Variants in BNC2 observed in about 807,000 individuals in gnomAD.
The protein encoded by BNC2 is basonuclin zinc finger protein 2.
In BNC2, 20 loss-of-function variants were observed where a neutral mutation model predicts 76.3. The ratio of observed to expected loss-of-function variants is 0.26; its 90% CI spans 0.18 to 0.38. The LOEUF is 0.38. BNC2 is among the 10% of genes least tolerant of loss of function. The probability of loss-of-function intolerance (pLI) is 1.00; values close to 1 mark genes in which losing one functional copy is unlikely to be tolerated. For missense variants in BNC2, 1,382 were observed against 1,399.8 expected (o/e 0.99, Z 0.20); for synonymous variants, 582 against 514.8 (o/e 1.13, Z -1.77).
At chr9:16,826,296 C>A (rs1818453573) in intron 1 of BNC2, among the ~76,000 whole-genome samples, 1 of 148,530 alleles carries the variant, frequency 6.7e-6, no homozygotes, top group Admixed American at 6.9e-5. Flanking sequence ...TTTAGAACCA[C>A]CAAGCCTGTG....
chr9:16,773,754 T>C (rs780185470), intron 1 of BNC2, among the ~76,000 whole-genome samples: 1 of 152,152 alleles, frequency 6.6e-6, no homozygotes, highest in Non-Finnish European at 1.5e-5. Flanking sequence ...AGCTGCTGGG[T>C]GTTGCTGTAG....
intron 1 of BNC2, among the ~76,000 whole-genome samples, chr9:16,786,664 G>A (rs1826302330): frequency 2.0e-5 from 3 of 152,130 alleles, no homozygotes. Flanking sequence ...TCCCTCTCTA[G>A]CTCTGAACCC....
At chr9:16,741,053 A>G (rs1477377503) in intron 1 of BNC2, among the ~76,000 whole-genome samples, 1 of 152,160 alleles carries the variant, frequency 6.6e-6, no homozygotes, top group African/African-American at 2.4e-5. Context: ...TCAATAAATA[A>G]CAGCTACATG....
chr9:16,450,675 T>G (rs770644891), intron 5 of BNC2, among the ~76,000 whole-genome samples: 7 of 152,222 alleles, frequency 4.6e-5, no homozygotes, highest in Non-Finnish European at 8.8e-5. Context: ...GAAACATGCA[T>G]GTACACCATA....
Position 16,458,192 on chromosome 9 carries a change from T to C in BNC2, c.670-20668A>G, listed in dbSNP as rs370441911. ...ACTGTGCAATAACAGATACATGAGATTAAGGCTCATGGAAGCCAAGGGACC... is the reference window on the plus strand; with the variant it reads ...ACTGTGCAATAACAGATACATGAGACTAAGGCTCATGGAAGCCAAGGGACC... On this transcript the variant is annotated intron_variant, in intron 5 of 6. Transcript: ENST00000380672. 7.3e-5 allele frequency among the ~76,000 whole-genome samples: 11 copies of C among 149,724 alleles called. No homozygotes were observed. The South Asian group carries it at 1.3e-3, about 17-fold the overall frequency.
intron 5 of BNC2, among the ~76,000 whole-genome samples, chr9:16,448,545 T>C (rs545632093): frequency 1.7e-4 from 26 of 152,206 alleles, no homozygotes; most frequent in Non-Finnish European, 2.4e-4. Flanking sequence ...ATGAAGCTGA[T>C]TGAACAACCC....
intron 2 of BNC2, 140 bp from the exon 3 acceptor site, chr9:16,728,137 C>T: frequency 1.3e-6 from 1 of 774,152 alleles, no homozygotes; most frequent in Non-Finnish European, 2.3e-6. Flanking sequence ...GCTTCTTTCG[C>T]ACCTTCTGCA....
chr9:16,713,800 G>A (rs1003350595), intron 3 of BNC2, among the ~76,000 whole-genome samples: 52 of 152,110 alleles, frequency 3.4e-4, no homozygotes, highest in African/African-American at 1.1e-3. Context: ...TTGGCTGGGC[G>A]TGGTGCCCTC....
chr9:16,650,399 C>T (rs1490898613), intron 3 of BNC2, among the ~76,000 whole-genome samples: 1 of 152,146 alleles, frequency 6.6e-6, no homozygotes, highest in African/African-American at 2.4e-5. Context: ...GTAAAATATT[C>T]TGTTTTTACC....
chr9:16,787,675 T>A (rs541285095), intron 1 of BNC2, among the ~76,000 whole-genome samples: 75 of 152,152 alleles, frequency 4.9e-4, no homozygotes, highest in Non-Finnish European at 9.4e-4. Context: ...TGGCCACCGC[T>A]TCCTACAGTG....
Position 16,661,060 on chromosome 9 carries a change from T to C in BNC2, c.330+66737A>G, listed in dbSNP as rs193111878. ...TAAAGTGTATATACCATTATTCCCA[T>C]TTTAAATGTAAGGAAACTGAGGCTC... On this transcript the variant is annotated intron_variant, in intron 3 of 6. Transcript: ENST00000380672. Among the ~76,000 whole-genome samples, 350 of 152,262 alleles carry C rather than the reference T, an allele frequency of 2.3e-3. 3 individuals carry two copies. Among genetic ancestry groups the C allele is most frequent in the Non-Finnish European group, 3.5e-3 (236 of 68,020 alleles).
chr9:16,742,251 G>T (rs990283881), intron 1 of BNC2, among the ~76,000 whole-genome samples: 1 of 152,166 alleles, frequency 6.6e-6, no homozygotes, highest in African/African-American at 2.4e-5. Flanking sequence ...TATGTGATTT[G>T]AACAAAGGCA....
At chr9:16,607,296 A>T (rs1820413672) in intron 3 of BNC2, among the ~76,000 whole-genome samples, 1 of 152,128 alleles carries the variant, frequency 6.6e-6, no homozygotes. Context: ...AAAACCTCAG[A>T]GAAAGAAAAA....
At chr9:16,626,865 G>A (rs1367545831) in intron 3 of BNC2, among the ~76,000 whole-genome samples, 1 of 152,110 alleles carries the variant, frequency 6.6e-6, no homozygotes, top group Non-Finnish European at 1.5e-5. Flanking sequence ...AGTGAGCCAA[G>A]ATAGCAGGGC....
chr9:16,552,650 A>G lies in BNC2; in HGVS notation c.549T>C (p.Pro183=). The G allele has an allele frequency of 6.2e-6, 10 of 1,614,244 alleles. No individual in the cohort carries two copies. The highest frequency in any genetic ancestry group is 7.6e-6 in the Non-Finnish European group (9 of 1,180,044). ...GGTCCAGCAGGATCTTTAGCCGCAC[A>G]GGCACTGCTTGTGTCCCATAGAGCA... ...SLMLYGTQAV[P]VRLKILLDRL... Residue 183 remains proline (P), a synonymous_variant, in exon 5 of 7, where the codon CCT becomes CCC. Coordinates refer to ENST00000380672, the MANE Select transcript of BNC2 (RefSeq NM_017637.6).
At chr9:16,455,858 C>G (rs891854277) in intron 5 of BNC2, among the ~76,000 whole-genome samples, 2 of 151,842 alleles carry the variant, frequency 1.3e-5, no homozygotes, top group African/African-American at 2.4e-5. Flanking sequence ...AAGGCTTTCA[C>G]TTATTTTACT....
intron 6 of BNC2, chr9:16,431,580 T>C (rs528567685): frequency 7.4e-5 from 25 of 336,936 alleles, no homozygotes; most frequent in African/African-American, 4.9e-4. Flanking sequence ...GATCAAGGGA[T>C]AAACAAGAAG....
chr9:16,460,152 C>G, intron 5 of BNC2, among the ~76,000 whole-genome samples: 1 of 152,018 alleles, frequency 6.6e-6, no homozygotes, highest in African/African-American at 2.4e-5. Context: ...ATTTAAAAGG[C>G]AGCAAGACAA....
chr9:16,552,819 G>A (rs1236135744), intron 4 of BNC2, 54 bp from the exon 5 acceptor site: 2 of 1,421,228 alleles, frequency 1.4e-6, no homozygotes, highest in Admixed American at 1.7e-5. Flanking sequence ...ATAAGATAAA[G>A]AGAGAGAACA....
Sources: allele counts gnomAD v4.1 joint callset (sites outside exome capture counted in the v4.1 genomes callset), GRCh38; gene constraint gnomAD v4.1.1; transcripts MANE v1.5; gene names NCBI Gene and HGNC (gene_info 2026-07-23, HGNC 2026-07-21).